Variants in PTPRK observed in about 807,000 individuals in gnomAD.
The protein encoded by PTPRK is receptor-type tyrosine-protein phosphatase kappa.
Under a neutral mutation model 178.0 loss-of-function variants are expected in PTPRK, and 75 were observed. The ratio of observed to expected loss-of-function variants is 0.42; its 90% CI spans 0.35 to 0.51. The LOEUF (loss-of-function observed/expected upper bound fraction) is 0.51. Among genes scored for constraint, PTPRK ranks in the 20% least tolerant of loss-of-function variants. The pLI, the probability that PTPRK is intolerant of heterozygous loss-of-function variation, is 0.02. For synonymous variants in PTPRK, 637 were observed against 620.6 expected (o/e 1.03, Z -0.39); for missense variants, 1,441 against 1,797.8 (o/e 0.80, Z 3.59).
At chr6:128,268,253 G>C (rs1819256694) in intron 3 of PTPRK, among the ~76,000 whole-genome samples, 1 of 151,874 alleles carries the variant, frequency 6.6e-6, no homozygotes, top group African/African-American at 2.4e-5. Context: ...AACACATTTT[G>C]CTTCATGATA....
intron 2 of PTPRK, among the ~76,000 whole-genome samples, chr6:128,330,617 T>G (rs1830138644): frequency 6.6e-6 from 1 of 152,166 alleles, no homozygotes; most frequent in African/African-American, 2.4e-5. Context: ...TAGAATGGAA[T>G]CCTAGCAAGT....
rs542051349 is a variant in PTPRK at position 128,003,110 on chromosome 6, G to C, written c.2494+1974C>G. 24 of 1,320,816 alleles carry C rather than the reference G, an allele frequency of 1.8e-5. No homozygotes were observed. In the East Asian group the frequency reaches 5.0e-4, roughly 28 times the overall value. 81.8% of individuals were successfully genotyped at this position (1,320,816 alleles called of 1,614,324 possible). ...TATTTTCAAAATCAAGCTGCCTCCT[G>C]CACTGTAAATAATCTCTATGTGGGC... On this transcript the variant is annotated intron_variant, in intron 15 of 29. Coordinates refer to ENST00000368226, the MANE Select transcript of PTPRK (RefSeq NM_002844.4).
At chr6:128,517,005 A>G (rs1378572385) in intron 1 of PTPRK, among the ~76,000 whole-genome samples, 1 of 151,276 alleles carries the variant, frequency 6.6e-6, no homozygotes, top group East Asian at 1.9e-4. Context: ...TGGCCAATCT[A>G]GTATGTTTAT....
chr6:128,078,729 A>G (rs2114986527), intron 11 of PTPRK, 84 bp downstream of exon 11: 1 of 921,470 alleles, frequency 1.1e-6, no homozygotes, highest in South Asian at 1.6e-5. Context: ...GTTTGTTATC[A>G]TCTCTGGTTT....
At chr6:128,113,524 T>C (rs567037447) in intron 7 of PTPRK, among the ~76,000 whole-genome samples, 1 of 151,938 alleles carries the variant, frequency 6.6e-6, no homozygotes, top group African/African-American at 2.4e-5. Context: ...ATAACAACTA[T>C]TTACATACCA....
At chr6:128,368,939 A>T (rs1347158428) in intron 2 of PTPRK, among the ~76,000 whole-genome samples, 1 of 147,678 alleles carries the variant, frequency 6.8e-6, no homozygotes, top group African/African-American at 2.5e-5. Context: ...ACAAAACAAA[A>T]AACAAACAAA....
rs76183582 is a variant in PTPRK, at chr6:128,090,163, G to A, written c.1163-171C>T. On this transcript the variant is annotated intron_variant, in intron 7 of 29. Transcript: ENST00000368226. ...ATCCTATTCTTGAAGGTTTCAATCA[G>A]GGACTAAGATTTAACAACAGGAAAA... 9.3e-3 allele frequency among the ~76,000 whole-genome samples: 1,422 copies of A among 152,130 alleles called. 14 individuals carry two copies. The highest frequency in any genetic ancestry group is 0.017 in the Non-Finnish European group (1,165 of 68,012).
intron 1 of PTPRK, among the ~76,000 whole-genome samples, chr6:128,429,081 C>T (rs1383222937): frequency 6.6e-6 from 1 of 152,124 alleles, no homozygotes; most frequent in African/African-American, 2.4e-5. Context: ...AGTATCTGCA[C>T]ATTTGTTAAG....
Position 127,982,983 on chromosome 6 carries a change from A to G in PTPRK, c.3388-3T>C. 1 of 1,600,578 alleles carries G rather than the reference A, an allele frequency of 6.2e-7. No homozygotes were observed. Among genetic ancestry groups the G allele is most frequent in the Admixed American group, 1.8e-5 (1 of 56,186 alleles). ...TCATGAATAAAAATGTACTGTTCCT[A>G]CCAAAAGAATGAAAAAGAAAATTTT... On this transcript the variant is annotated splice_region_variant and splice_polypyrimidine_tract_variant and intron_variant, in intron 23 of 29. Transcript: ENST00000368226.
intron 13 of PTPRK, among the ~76,000 whole-genome samples, chr6:128,038,152 C>CT (rs1254070386): frequency 6.6e-6 from 1 of 152,020 alleles, no homozygotes; most frequent in Non-Finnish European, 1.5e-5. Context: ...ATTTATCTAA[C>CT]TTTTTTTTCT....
chr6:128,108,314 CA>C (rs1790070726), intron 7 of PTPRK, among the ~76,000 whole-genome samples: 1 of 151,632 alleles, frequency 6.6e-6, no homozygotes, highest in African/African-American at 2.4e-5. Flanking sequence ...AATAAAATAA[CA>C]AAAGAAGAAA....
At chr6:128,509,467 T>G (rs2128442318) in intron 1 of PTPRK, among the ~76,000 whole-genome samples, 1 of 152,274 alleles carries the variant, frequency 6.6e-6, no homozygotes, top group Non-Finnish European at 1.5e-5. Context: ...ATGAAGCATT[T>G]ATTTATTGTT....
intron 13 of PTPRK, among the ~76,000 whole-genome samples, chr6:128,041,180 T>G (rs1358977312): frequency 6.6e-6 from 1 of 152,116 alleles, no homozygotes; most frequent in Non-Finnish European, 1.5e-5. Flanking sequence ...AAATTGATTT[T>G]CTAACCTAAA....
chr6:128,498,874 A>G (rs1855126621), intron 1 of PTPRK, among the ~76,000 whole-genome samples: 1 of 152,168 alleles, frequency 6.6e-6, no homozygotes, highest in African/African-American at 2.4e-5. Context: ...CAAGTTTTAC[A>G]GTTGATTGGA....
intron 5 of PTPRK, among the ~76,000 whole-genome samples, chr6:128,220,713 A>G (rs1419433039): frequency 6.6e-6 from 1 of 152,210 alleles, no homozygotes; most frequent in African/African-American, 2.4e-5. Context: ...TTGAACTCTA[A>G]ATTATCTGTG....
chr6:128,220,071 A>T (rs1236821900), intron 5 of PTPRK, among the ~76,000 whole-genome samples: 3 of 152,204 alleles, frequency 2.0e-5, no homozygotes, highest in African/African-American at 7.2e-5. Flanking sequence ...TATCCCAGAC[A>T]AGAGTAATAA....
chr6:127,993,694 G>A (rs1776848026), intron 18 of PTPRK, among the ~76,000 whole-genome samples: 1 of 151,596 alleles, frequency 6.6e-6, no homozygotes, highest in East Asian at 1.9e-4. Context: ...ATAGCACAAT[G>A]TTTTATGGAA....
At chr6:128,049,490 C>T (rs11963140) in intron 13 of PTPRK, among the ~76,000 whole-genome samples, 17,121 of 151,762 alleles carry the variant, frequency 0.11, 2,479 homozygotes, top group African/African-American at 0.34. Flanking sequence ...TAACTATTTA[C>T]ATATTGAGAA....
At chr6:128,397,129 T>G (rs1840418179) in intron 2 of PTPRK, among the ~76,000 whole-genome samples, 2 of 152,200 alleles carry the variant, frequency 1.3e-5, no homozygotes, top group South Asian at 4.1e-4. Context: ...TCATGACCAC[T>G]GGGAGAAAGA....
Sources: allele counts gnomAD v4.1 joint callset (sites outside exome capture counted in the v4.1 genomes callset), GRCh38; gene constraint gnomAD v4.1.1; transcripts MANE v1.5; gene names NCBI Gene and HGNC (gene_info 2026-07-23, HGNC 2026-07-21).